The following PIP4P2 variants were observed in gnomAD, a reference collection of about 807,000 sequenced individuals.
PIP4P2 encodes type 2 phosphatidylinositol 4,5-bisphosphate 4-phosphatase.
In PIP4P2, 19 loss-of-function variants were observed where a neutral mutation model predicts 33.3. The ratio of observed to expected loss-of-function variants is 0.57; its 90% confidence interval spans 0.40 to 0.84. The LOEUF is 0.84. Ranked by LOEUF, PIP4P2 falls within the 40% of genes least tolerant of loss-of-function variation. PIP4P2 has a pLI of 0.00. For synonymous variants in PIP4P2, 110 were observed against 111.9 expected, an observed-to-expected ratio of 0.98 and a Z score of 0.11; for missense variants, 270 against 324.7, an observed-to-expected ratio of 0.83 and a Z score of 1.29.
In PIP4P2 at chr8:91,008,385, C is replaced by A. The variant is rs185670298; in HGVS notation, c.539+358G>T. ...GCCAACAATCACCTAATTATGAAGT[C>A]CAGAACAATTTGAGTTTTCTCCTAG... On this transcript the variant is annotated intron_variant, in intron 5 of 6. Coordinates refer to ENST00000285419, the MANE Select transcript of PIP4P2 (RefSeq NM_018710.3). Among the ~76,000 whole-genome samples, 172 of 152,058 alleles carry A rather than the reference C, an allele frequency of 1.1e-3. 1 individual carries two copies. The highest frequency in any genetic ancestry group is 4.0e-3 in the African/African-American group (165 of 41,492).
intron 4 of PIP4P2, among the ~76,000 whole-genome samples, chr8:91,009,401 TG>T (rs1179505778): frequency 6.6e-6 from 1 of 152,082 alleles, no homozygotes; most frequent in South Asian, 2.1e-4. Flanking sequence ...AATGACTTAC[TG>T]GTTGTAGATA....
At chr8:91,022,060 A>G (rs1812018147) in intron 1 of PIP4P2, among the ~76,000 whole-genome samples, 1 of 152,192 alleles carries the variant, frequency 6.6e-6, no homozygotes, top group South Asian at 2.1e-4. Context: ...ACCTACCATT[A>G]AAAATGTAAG....
At chr8:91,006,753 G>A (rs1046010566) in intron 5 of PIP4P2, among the ~76,000 whole-genome samples, 18 of 152,286 alleles carry the variant, frequency 1.2e-4, no homozygotes, top group African/African-American at 4.3e-4. Context: ...TGAATCACCC[G>A]AGGTCAGGAG....
At chr8:91,006,537 CCT>C (rs1811766051) in intron 5 of PIP4P2, among the ~76,000 whole-genome samples, 1 of 152,184 alleles carries the variant, frequency 6.6e-6, no homozygotes, top group African/African-American at 2.4e-5. Flanking sequence ...AAATCCTTAA[CCT>C]CTCTTAACAG....
intron 4 of PIP4P2, among the ~76,000 whole-genome samples, chr8:91,013,955 C>A (rs1811874115): frequency 6.6e-6 from 1 of 152,126 alleles, no homozygotes; most frequent in African/African-American, 2.4e-5. Context: ...ACATATCCTA[C>A]TAAATCAGAA....
chr8:91,040,245 GA>G (rs1421943961), intron 1 of PIP4P2, among the ~76,000 whole-genome samples: 2 of 152,162 alleles, frequency 1.3e-5, no homozygotes, highest in Non-Finnish European at 2.9e-5. Flanking sequence ...CTCAGCAACG[GA>G]AAAAGATTTG....
intron 4 of PIP4P2, 25 bp from the exon 5 acceptor site, chr8:91,008,820 T>C (rs780369265): frequency 2.0e-5 from 32 of 1,576,414 alleles, no homozygotes; most frequent in African/African-American, 5.4e-5. Context: ...AAGAGAGGAA[T>C]TGAAAAGAAA....
chr8:91,019,440 T>C (rs1445645711), intron 3 of PIP4P2, among the ~76,000 whole-genome samples: 1 of 98,630 alleles, frequency 1.0e-5, no homozygotes, highest in Non-Finnish European at 2.0e-5. Flanking sequence ...TACCTGGGAG[T>C]GGTGGTGTGT....
intron 1 of PIP4P2, among the ~76,000 whole-genome samples, chr8:91,028,652 T>C (rs528172979): frequency 2.0e-5 from 3 of 152,302 alleles, no homozygotes; most frequent in African/African-American, 7.2e-5. Flanking sequence ...TAGGTTAATA[T>C]AGGAATGGCC....
At chr8:91,039,093 A>C (rs996462716) in intron 1 of PIP4P2, among the ~76,000 whole-genome samples, 1 of 152,248 alleles carries the variant, frequency 6.6e-6, no homozygotes, top group African/African-American at 2.4e-5. Context: ...GTTATAGGAC[A>C]AATACTTAAA....
chr8:90,996,340 G>A (rs1418298060), intron 6 of PIP4P2, among the ~76,000 whole-genome samples: 1 of 151,974 alleles, frequency 6.6e-6, no homozygotes, highest in Non-Finnish European at 1.5e-5. Context: ...AATAATAAGA[G>A]ACCCCATAGC....
intron 5 of PIP4P2, among the ~76,000 whole-genome samples, chr8:90,998,452 G>C (rs1811658008): frequency 6.6e-6 from 1 of 151,924 alleles, no homozygotes; most frequent in African/African-American, 2.4e-5. Context: ...TCTCCTCACA[G>C]GATAAGGCAA....
chr8:91,024,579 A>G (rs1586183566), intron 1 of PIP4P2, among the ~76,000 whole-genome samples: 1 of 152,066 alleles, frequency 6.6e-6, no homozygotes, highest in East Asian at 1.9e-4. Context: ...ATGCACCACC[A>G]TGCCTATATT....
At chr8:91,039,185 G>T (rs1305671319) in intron 1 of PIP4P2, among the ~76,000 whole-genome samples, 1 of 152,200 alleles carries the variant, frequency 6.6e-6, no homozygotes, top group Non-Finnish European at 1.5e-5. Context: ...TCATTAGTGA[G>T]TGTTTAAGTC....
chr8:90,997,143 G>A (rs1811639626), intron 5 of PIP4P2, among the ~76,000 whole-genome samples: 1 of 151,490 alleles, frequency 6.6e-6, no homozygotes, highest in Non-Finnish European at 1.5e-5. Context: ...TTAGAAAGTA[G>A]AATAAAAAGG....
At chr8:91,004,247 T>C (rs1291959799) in intron 5 of PIP4P2, among the ~76,000 whole-genome samples, 1 of 151,800 alleles carries the variant, frequency 6.6e-6, no homozygotes, top group Admixed American at 6.6e-5. Flanking sequence ...TCAGAGGGCC[T>C]GGAGTTCTGA....
intron 4 of PIP4P2, among the ~76,000 whole-genome samples, chr8:91,011,064 A>G: frequency 8.2e-6 from 1 of 121,786 alleles, no homozygotes; most frequent in East Asian, 2.6e-4. Context: ...ATAGATAGAT[A>G]GACAGATAGA....
intron 1 of PIP4P2, among the ~76,000 whole-genome samples, chr8:91,029,283 T>G (rs1035040335): frequency 1.1e-4 from 17 of 151,038 alleles, no homozygotes; most frequent in African/African-American, 4.1e-4. Context: ...AGAGTGAGAC[T>G]CTGTCTCAAA....
chr8:91,030,060 A>C (rs904799626), intron 1 of PIP4P2, among the ~76,000 whole-genome samples: 1 of 152,202 alleles, frequency 6.6e-6, no homozygotes, highest in Non-Finnish European at 1.5e-5. Context: ...ATTAGAAAAG[A>C]CTGCATGAAA....
Sources: allele counts gnomAD v4.1 joint callset (sites outside exome capture counted in the v4.1 genomes callset), GRCh38; gene constraint gnomAD v4.1.1; transcripts MANE v1.5; gene names NCBI Gene and HGNC (gene_info 2026-07-23, HGNC 2026-07-21).